Variants in UPF2 observed in about 807,000 individuals in gnomAD.
The protein encoded by UPF2 is regulator of nonsense transcripts 2.
In UPF2, 17 loss-of-function variants were observed where a neutral mutation model predicts 141.4. That is an observed-to-expected ratio of 0.12 (90% confidence interval 0.08 to 0.18). The LOEUF is 0.18. UPF2 is among the 10% of genes least tolerant of loss of function. The pLI is 1.00. For missense variants in UPF2, 1,152 were observed against 1,515.9 expected, an observed-to-expected ratio of 0.76 and a Z score of 3.99; for synonymous variants, 540 against 498.0, an observed-to-expected ratio of 1.08 and a Z score of -1.12.
intron 11 of UPF2, among the ~76,000 whole-genome samples, chr10:11,960,342 T>C (rs183902222): frequency 2.0e-5 from 3 of 151,724 alleles, no homozygotes; most frequent in Admixed American, 2.0e-4. Flanking sequence ...AGATCAGGAG[T>C]TTGAGACTAG....
rs1235483509 is a variant in UPF2, at chr10:11,929,928, C to T, written c.3746G>A (p.Arg1249Gln). 6.2e-7 allele frequency: 1 copy of T among 1,614,160 alleles called. No individual in the cohort carries two copies. The highest frequency in any genetic ancestry group is 8.5e-7 in the Non-Finnish European group (1 of 1,180,028). The change falls in exon 21 of 22, where the codon CGG (arginine) becomes CAG (glutamine). Residue 1249 changes from arginine (R) to glutamine (Q), a missense_variant. Transcript: ENST00000357604. ...PAPANTNRER[R>Q]PRYQHPKGAP... ...TCCCTTCGGATGTTGGTAGCGAGGC[C>T]GCCTCTCACGATTGGTGTTTGCTGG...
chr10:12,026,288 C>G (rs1449625576), intron 3 of UPF2, among the ~76,000 whole-genome samples: 1 of 151,978 alleles, frequency 6.6e-6, no homozygotes, highest in African/African-American at 2.4e-5. Context: ...AGCTTCAGTG[C>G]AAATAAGTTT....
At chr10:12,024,947 A>C (rs887458073) in intron 3 of UPF2, among the ~76,000 whole-genome samples, 1 of 149,696 alleles carries the variant, frequency 6.7e-6, no homozygotes. Context: ...AAAAAAAAAA[A>C]AAAAAAAAAA....
chr10:12,033,421 T>C (rs1834564008), intron 2 of UPF2, among the ~76,000 whole-genome samples: 1 of 152,058 alleles, frequency 6.6e-6, no homozygotes, highest in South Asian at 2.1e-4. Flanking sequence ...TAGTTCCCGC[T>C]ACCAAGGAGG....
At chr10:12,011,933 G>A (rs949543381) in intron 4 of UPF2, among the ~76,000 whole-genome samples, 1 of 151,350 alleles carries the variant, frequency 6.6e-6, no homozygotes, top group Non-Finnish European at 1.5e-5. Flanking sequence ...CAGCAAGAGC[G>A]AAACTCTGTC....
intron 21 of UPF2, among the ~76,000 whole-genome samples, chr10:11,929,603 T>C (rs1832756936): frequency 6.6e-6 from 1 of 152,228 alleles, no homozygotes; most frequent in Non-Finnish European, 1.5e-5. Context: ...ATTGTGCCAC[T>C]GCACTTCAGC....
At chr10:11,938,853 G>GTTTTGTTTTTTTTTTTTTTT (rs1832889729) in intron 18 of UPF2, among the ~76,000 whole-genome samples, 1 of 79,816 alleles carries the variant, frequency 1.3e-5, no homozygotes, top group East Asian at 3.6e-4. Flanking sequence ...TTTTTTTTTT[G>GTTTTGTTTTTTTTTTTTTTT]TTTTTTTTTT....
intron 8 of UPF2, among the ~76,000 whole-genome samples, chr10:11,990,524 C>T (rs1015131464): frequency 3.3e-5 from 5 of 151,814 alleles, no homozygotes; most frequent in African/African-American, 9.7e-5. Flanking sequence ...ACCAAAAATA[C>T]AAAAAATTAG....
intron 21 of UPF2, among the ~76,000 whole-genome samples, chr10:11,929,034 G>C (rs901270900): frequency 6.6e-6 from 1 of 152,010 alleles, no homozygotes; most frequent in Admixed American, 6.6e-5. Context: ...TATTGTCCCA[G>C]CTACTCGGGA....
At chr10:11,994,456 T>C (rs1256848636) in intron 8 of UPF2, among the ~76,000 whole-genome samples, 1 of 152,186 alleles carries the variant, frequency 6.6e-6, no homozygotes, top group Admixed American at 6.6e-5. Flanking sequence ...AGCATCAAGA[T>C]ACTGATTTCC....
Position 11,951,584 on chromosome 10 carries a change from C to T in UPF2, c.3034+482G>A, listed in dbSNP as rs146626732. 5.3e-4 allele frequency among the ~76,000 whole-genome samples: 80 copies of T among 152,232 alleles called. 1 individual carries two copies. The East Asian group carries it at 0.014, about 27-fold the overall frequency. On this transcript the variant is annotated intron_variant, in intron 15 of 21. Coordinates refer to ENST00000357604, the MANE Select transcript of UPF2 (RefSeq NM_015542.4). ...TAATTATCTCTAGATTTTCTCTAGT[C>T]CTTAGAGACAGAAGCAACTCTGCCA...
chr10:11,927,648 A>G (rs1223974055), intron 21 of UPF2, among the ~76,000 whole-genome samples: 1 of 152,226 alleles, frequency 6.6e-6, no homozygotes, highest in Non-Finnish European at 1.5e-5. Context: ...GGATAATTAA[A>G]AATAACCTAA....
chr10:11,926,425 G>A (rs1448983297), intron 21 of UPF2, among the ~76,000 whole-genome samples: 1 of 152,202 alleles, frequency 6.6e-6, no homozygotes, highest in Admixed American at 6.5e-5. Flanking sequence ...TGAGAGTGCA[G>A]AAGGAGAAGA....
intron 1 of UPF2, among the ~76,000 whole-genome samples, chr10:12,037,804 A>T (rs1834659189): frequency 6.6e-6 from 1 of 152,142 alleles, no homozygotes; most frequent in Non-Finnish European, 1.5e-5. Flanking sequence ...TGTAATATTG[A>T]TATTTTTTAA....
At chr10:11,973,232 T>A (rs1002596917) in intron 9 of UPF2, among the ~76,000 whole-genome samples, 1 of 152,250 alleles carries the variant, frequency 6.6e-6, no homozygotes, top group Non-Finnish European at 1.5e-5. Flanking sequence ...GACGGGGCTG[T>A]TTAATTTTTT....
intron 4 of UPF2, among the ~76,000 whole-genome samples, chr10:12,008,572 G>A (rs1225071648): frequency 7.0e-6 from 1 of 142,680 alleles, no homozygotes; most frequent in Non-Finnish European, 1.5e-5. Context: ...GGAGCTTGCA[G>A]TGAGCTTAGA....
intron 3 of UPF2, among the ~76,000 whole-genome samples, chr10:12,025,110 A>T: frequency 6.6e-6 from 1 of 152,142 alleles, no homozygotes; most frequent in Admixed American, 6.6e-5. Flanking sequence ...ACGTATCTGC[A>T]TCTTCTCTAT....
At chr10:11,929,010 G>A (rs887150309) in intron 21 of UPF2, among the ~76,000 whole-genome samples, 2 of 152,092 alleles carry the variant, frequency 1.3e-5, no homozygotes, top group African/African-American at 2.4e-5. Flanking sequence ...TTAGCCAGAT[G>A]CGGTGGCATG....
chr10:11,950,391 C>G (rs958448192), intron 15 of UPF2, among the ~76,000 whole-genome samples: 1 of 152,160 alleles, frequency 6.6e-6, no homozygotes. Flanking sequence ...TTTCTGCATA[C>G]GTCTTCTTCC....
Sources: gnomAD v4.1 joint callset for allele counts (sites outside exome capture counted in the v4.1 genomes callset) on GRCh38, gnomAD v4.1.1 for gene constraint, MANE v1.5 for transcripts, NCBI Gene and HGNC (gene_info 2026-07-23, HGNC 2026-07-21) for gene names.